SIPA1L1: variants seen among roughly 807,000 people sequenced by gnomAD.
SIPA1L1 encodes signal-induced proliferation-associated 1-like protein 1.
A neutral mutation model predicts 162.7 loss-of-function variants in SIPA1L1; 26 were observed. That is an observed-to-expected ratio of 0.16 (90% confidence interval 0.12 to 0.22). The LOEUF is 0.22. Ranked by LOEUF, SIPA1L1 falls within the 10% of genes least tolerant of loss-of-function variation. The probability of loss-of-function intolerance (pLI) is 1.00; values close to 1 mark genes in which losing one functional copy is unlikely to be tolerated. For synonymous variants in SIPA1L1, 829 were observed against 837.4 expected, an observed-to-expected ratio of 0.99 and a Z score of 0.17; for missense variants, 1,874 against 2,241.0, an observed-to-expected ratio of 0.84 and a Z score of 3.31.
At chr14:71,430,720 C>T (rs529719425) in intron 2 of SIPA1L1, among the ~76,000 whole-genome samples, 4 of 152,166 alleles carry the variant, frequency 2.6e-5, no homozygotes, top group African/African-American at 7.2e-5. Context: ...GATCACTTTG[C>T]GACTCTGCTT....
rs931194172 is a variant in SIPA1L1, at chr14:71,377,364, T to C, written c.-465+56183T>C. Reference sequence around the variant, plus strand: ...CGGGGCGGCCGGGCGGAGGCACTCCTCAGTTCCCAGACGGGGTCGCGGCCG... The same window carrying C: ...CGGGGCGGCCGGGCGGAGGCACTCCCCAGTTCCCAGACGGGGTCGCGGCCG... On this transcript the variant is annotated intron_variant, in intron 2 of 23. Transcript: ENST00000381232. This position sits in a 1 kb window ranked among gnomAD's most constrained non-coding sequence, Gnocchi z 4.8. Among the ~76,000 whole-genome samples, 1 of 149,198 alleles carries C rather than the reference T, an allele frequency of 6.7e-6. No homozygotes were observed. Among genetic ancestry groups the C allele is most frequent in the African/African-American group, 2.5e-5 (1 of 40,124 alleles).
At chr14:71,432,761 G>C (rs1006488882) in intron 2 of SIPA1L1, among the ~76,000 whole-genome samples, 1 of 152,194 alleles carries the variant, frequency 6.6e-6, no homozygotes, top group Non-Finnish European at 1.5e-5. Flanking sequence ...TCAAATGAAT[G>C]TTTGATTGTA....
intron 2 of SIPA1L1, among the ~76,000 whole-genome samples, chr14:71,350,278 T>G (rs2036573497): frequency 6.6e-6 from 1 of 151,954 alleles, no homozygotes; most frequent in African/African-American, 2.4e-5. Context: ...CATGGTGGTA[T>G]GTGCCTGTAA....
chr14:71,655,669 G>A (rs2042992663), intron 8 of SIPA1L1, among the ~76,000 whole-genome samples: 1 of 152,136 alleles, frequency 6.6e-6, no homozygotes, highest in African/African-American at 2.4e-5. Context: ...CATTCTGTCT[G>A]ATATCAGATG....
intron 2 of SIPA1L1, among the ~76,000 whole-genome samples, chr14:71,345,892 C>A (rs1049109445): frequency 6.6e-6 from 1 of 150,628 alleles, no homozygotes; most frequent in African/African-American, 2.4e-5. Flanking sequence ...TTATATGCAT[C>A]CCTGAATAAA....
intron 5 of SIPA1L1, among the ~76,000 whole-genome samples, chr14:71,594,520 A>G (rs1427561915): frequency 6.6e-6 from 1 of 152,194 alleles, no homozygotes; most frequent in Non-Finnish European, 1.5e-5. Context: ...TTCTTTAAAT[A>G]TAATTATTCT....
chr14:71,567,951 G>A (rs549976706), intron 4 of SIPA1L1, among the ~76,000 whole-genome samples: 10 of 152,346 alleles, frequency 6.6e-5, no homozygotes, highest in African/African-American at 2.4e-4. Context: ...AGTAGTGCTG[G>A]TGGGAATGTC....
chr14:71,630,258 A>G (rs920033250), intron 7 of SIPA1L1, among the ~76,000 whole-genome samples: 17 of 152,208 alleles, frequency 1.1e-4, no homozygotes, highest in Admixed American at 1.0e-3. Context: ...AGGGGAAGAA[A>G]TCAGTGGCAT....
chr14:71,739,325 T>C lies in SIPA1L1; in HGVS notation c.*164T>C. 2.2e-6 allele frequency: 1 copy of C among 464,576 alleles called. No homozygotes were observed. The highest frequency in any genetic ancestry group is 1.0e-4 in the South Asian group (1 of 9,808). The allele number at this position is 464,576 out of a possible 1,614,324, so 28.8% of individuals were successfully genotyped here. ...CACAATAGTTGCAGATCAACAATCA[T>C]CACCTGCCTTTTGTAGAAAAGAAAA... On this transcript the variant is annotated 3_prime_UTR_variant, in exon 24 of 24. Transcript: ENST00000381232.
At chr14:71,654,455 C>A (rs1486454897) in intron 8 of SIPA1L1, among the ~76,000 whole-genome samples, 3 of 152,130 alleles carry the variant, frequency 2.0e-5, no homozygotes, top group East Asian at 3.8e-4. Context: ...CTGACTGAGG[C>A]TTGTTTGTCA....
chr14:71,514,455 C>G (rs372374222), intron 3 of SIPA1L1, among the ~76,000 whole-genome samples: 1 of 152,144 alleles, frequency 6.6e-6, no homozygotes, highest in Non-Finnish European at 1.5e-5. Flanking sequence ...ATTCACCCAC[C>G]CATTGAGAAC....
At chr14:71,592,601 A>G (rs2035540618) in intron 5 of SIPA1L1, among the ~76,000 whole-genome samples, 1 of 151,334 alleles carries the variant, frequency 6.6e-6, no homozygotes, top group South Asian at 2.1e-4. Context: ...TGCCTAATGC[A>G]TTCCTGACTT....
intron 2 of SIPA1L1, among the ~76,000 whole-genome samples, chr14:71,428,371 T>A (rs553125419): frequency 7.0e-6 from 1 of 143,638 alleles, no homozygotes; most frequent in Non-Finnish European, 1.5e-5. Context: ...TGATTTGCGG[T>A]TTTTTTTTTC....
intron 2 of SIPA1L1, among the ~76,000 whole-genome samples, chr14:71,340,657 C>T (rs1041190553): frequency 6.6e-6 from 1 of 152,148 alleles, no homozygotes; most frequent in Admixed American, 6.5e-5. Flanking sequence ...AGAGTTAATA[C>T]CATTTCTTTT....
chr14:71,394,552 C>T (rs2041027632), intron 2 of SIPA1L1, among the ~76,000 whole-genome samples: 1 of 152,202 alleles, frequency 6.6e-6, no homozygotes, highest in Non-Finnish European at 1.5e-5. Flanking sequence ...CACCTATTCT[C>T]CAGCCTCTCC....
chr14:71,458,067 AT>A (rs1274210407), intron 2 of SIPA1L1, among the ~76,000 whole-genome samples: 1 of 150,734 alleles, frequency 6.6e-6, no homozygotes, highest in Non-Finnish European at 1.5e-5. Flanking sequence ...GATCTAATTG[AT>A]TTTTTTTTCT....
chr14:71,689,758 G>A (rs1294507376), intron 13 of SIPA1L1, among the ~76,000 whole-genome samples: 2 of 152,088 alleles, frequency 1.3e-5, no homozygotes, highest in African/African-American at 4.8e-5. Flanking sequence ...TACTCCCCTT[G>A]AGACCCCTGC....
intron 5 of SIPA1L1, among the ~76,000 whole-genome samples, chr14:71,602,283 T>A (rs1281841346): frequency 6.6e-6 from 1 of 152,174 alleles, no homozygotes; most frequent in Admixed American, 6.5e-5. Flanking sequence ...TTCAAGAAAT[T>A]TCTTCATTTT....
At chr14:71,601,991 A>T (rs2036822816) in intron 5 of SIPA1L1, among the ~76,000 whole-genome samples, 5 of 132,208 alleles carry the variant, frequency 3.8e-5, no homozygotes, top group East Asian at 2.3e-4. Context: ...TATTGATTGT[A>T]TTTGTCTTTT....
Sources: allele counts gnomAD v4.1 joint callset (sites outside exome capture counted in the v4.1 genomes callset), GRCh38; gene constraint gnomAD v4.1.1; non-coding constraint Gnocchi (gnomAD v3.1); transcripts MANE v1.5; gene names NCBI Gene and HGNC (gene_info 2026-07-23, HGNC 2026-07-21).